The following DDX19B variants were observed in gnomAD, a reference collection of about 807,000 sequenced individuals.
The protein encoded by DDX19B is DEAD-box helicase 19B.
DDX19B carries 27 observed loss-of-function variants against 58.1 expected under a neutral mutation model. That is an observed-to-expected ratio of 0.46 (90% CI 0.34 to 0.64). DDX19B has a LOEUF of 0.64. Ranked by LOEUF, DDX19B falls within the 30% of genes least tolerant of loss-of-function variation. DDX19B has a pLI of 0.01. For missense variants in DDX19B, 399 were observed against 596.5 expected (o/e 0.67, Z 3.45); for synonymous variants, 187 against 214.4 (o/e 0.87, Z 1.12).
chr16:70,328,237 C>T (rs1036619487), intron 7 of DDX19B, among the ~76,000 whole-genome samples: 3 of 151,902 alleles, frequency 2.0e-5, no homozygotes, highest in Admixed American at 1.3e-4. Flanking sequence ...AGTCTGCATA[C>T]AGTGTCCTAA....
chr16:70,333,669 C>A lies in DDX19B; in HGVS notation c.*87C>A. On this transcript the variant is annotated 3_prime_UTR_variant, in exon 12 of 12. Transcript: ENST00000288071. ...TCAGGGCACAGGCCCCGACATCACCCCAAGGACAACGGCACAAGTAGAGAG... is the reference window on the plus strand; with the variant it reads ...TCAGGGCACAGGCCCCGACATCACCACAAGGACAACGGCACAAGTAGAGAG... The A allele has an allele frequency of 6.3e-7, 1 of 1,594,902 alleles. No individual in the cohort carries two copies. Among genetic ancestry groups the A allele is most frequent in the Non-Finnish European group, 8.6e-7 (1 of 1,163,652 alleles).
chr16:70,301,003 T>C (rs987008545), intron 1 of DDX19B, among the ~76,000 whole-genome samples: 2 of 152,202 alleles, frequency 1.3e-5, no homozygotes, highest in South Asian at 4.1e-4. Flanking sequence ...CTCCTAGGCC[T>C]TTAAGTCTGC....
At chr16:70,294,942 C>T, upstream of DDX19B, 2 of 1,488,436 alleles carry the variant, frequency 1.3e-6, no homozygotes, top group Non-Finnish European at 1.8e-6. Context: ...GGGTAGAAGC[C>T]AGACCCTTTC....
chr16:70,307,865 G>A (rs1027991648), intron 1 of DDX19B, among the ~76,000 whole-genome samples: 1 of 144,976 alleles, frequency 6.9e-6, no homozygotes, highest in African/African-American at 2.6e-5. Context: ...CTGGGACTAT[G>A]GGCACATACC....
intron 5 of DDX19B, among the ~76,000 whole-genome samples, chr16:70,318,894 G>A (rs1439263500): frequency 1.3e-5 from 2 of 151,574 alleles, no homozygotes; most frequent in African/African-American, 2.4e-5. Flanking sequence ...CACAAGCTCC[G>A]GAGATCGAGA....
intron 8 of DDX19B, 59 bp from the exon 9 acceptor site, chr16:70,329,772 T>G: frequency 6.2e-7 from 1 of 1,605,610 alleles, no homozygotes; most frequent in Non-Finnish European, 8.5e-7. Flanking sequence ...CTGGGAAGGC[T>G]GTGCTTCTGT....
chr16:70,312,805 C>T (rs1962160550), intron 2 of DDX19B, 148 bp downstream of exon 2: 1 of 650,648 alleles, frequency 1.5e-6, no homozygotes, highest in East Asian at 2.8e-5. Context: ...AATCAACAAA[C>T]TGGATTGTAT....
At chr16:70,332,668 G>C (rs921971905) in intron 10 of DDX19B, among the ~76,000 whole-genome samples, 2 of 152,012 alleles carry the variant, frequency 1.3e-5, no homozygotes, top group African/African-American at 4.8e-5. Context: ...AGTGATTTTT[G>C]TCTCCTGTCC....
chr16:70,324,692 G>A lies in DDX19B; in HGVS notation c.492+5G>A. On this transcript the variant is annotated splice_donor_5th_base_variant and intron_variant, in intron 6 of 11. Coordinates refer to ENST00000288071, the MANE Select transcript of DDX19B (RefSeq NM_007242.7). ...CCTGCAAACAAATACCCCCAGGTAA[G>A]GATTTATGAATTTAGGTTTTCTACT... 2 of 1,606,368 alleles carry A rather than the reference G, an allele frequency of 1.2e-6. No homozygotes were observed. Among genetic ancestry groups the A allele is most frequent in the Non-Finnish European group, 1.7e-6 (2 of 1,178,080 alleles).
intron 10 of DDX19B, 115 bp downstream of exon 10, chr16:70,331,999 T>C: frequency 5.5e-6 from 8 of 1,443,148 alleles, no homozygotes; most frequent in Non-Finnish European, 5.6e-6. Flanking sequence ...TGGGTGGGGT[T>C]GGTGACACTA....
intron 5 of DDX19B, among the ~76,000 whole-genome samples, chr16:70,322,891 CAAAAAAAAAA>C (rs113261271): frequency 6.2e-5 from 3 of 48,168 alleles, no homozygotes; most frequent in Admixed American, 4.6e-4. Flanking sequence ...AACTCCGTTG[CAAAAAAAAAA>C]AAAAAAAAAA....
chr16:70,305,770 T>C (rs1313174070), intron 1 of DDX19B, among the ~76,000 whole-genome samples: 1 of 152,004 alleles, frequency 6.6e-6, no homozygotes, highest in Non-Finnish European at 1.5e-5. Context: ...TTTTATGTAT[T>C]TATTTTTTGA....
chr16:70,320,488 G>A (rs924209692), intron 5 of DDX19B, among the ~76,000 whole-genome samples: 29 of 150,276 alleles, frequency 1.9e-4, no homozygotes, highest in African/African-American at 6.4e-4. Flanking sequence ...CTCCCACCTC[G>A]GCCTCCCACC....
At chr16:70,304,157 C>CAAGCTCTCCTGTTCAAGCTCTCCTACT (rs1787747373) in intron 1 of DDX19B, among the ~76,000 whole-genome samples, 1 of 151,160 alleles carries the variant, frequency 6.6e-6, no homozygotes, top group African/African-American at 2.4e-5. Flanking sequence ...TCTCCTGCCT[C>CAAGCTCTCCTGTTCAAGCTCTCCTACT]AGCTTCCCTA....
At chr16:70,326,802 C>A (rs1402211922) in intron 7 of DDX19B, among the ~76,000 whole-genome samples, 9 of 152,066 alleles carry the variant, frequency 5.9e-5, no homozygotes, top group Admixed American at 3.3e-4. Flanking sequence ...TCCCAAAGTG[C>A]TGAGATTATA....
At chr16:70,327,104 G>C (rs1327870810) in intron 7 of DDX19B, among the ~76,000 whole-genome samples, 1 of 151,940 alleles carries the variant, frequency 6.6e-6, no homozygotes, top group Non-Finnish European at 1.5e-5. Context: ...AAAGTGCTGG[G>C]ATTACAGGCG....
upstream of DDX19B, among the ~76,000 whole-genome samples, chr16:70,298,241 A>G (rs1340131945): frequency 1.3e-5 from 2 of 152,068 alleles, no homozygotes; most frequent in African/African-American, 4.8e-5. Context: ...CACCATCTCT[A>G]TTAAAAATAG....
At chr16:70,297,834 C>A (rs181182992), upstream of DDX19B, among the ~76,000 whole-genome samples, 175 of 152,328 alleles carry the variant, frequency 1.1e-3, 1 homozygote, top group Non-Finnish European at 2.3e-3. Context: ...GATCCTCCCA[C>A]CTCAGCCTCC....
At chr16:70,324,918 G>C (rs1963062441) in intron 6 of DDX19B, among the ~76,000 whole-genome samples, 1 of 152,182 alleles carries the variant, frequency 6.6e-6, no homozygotes, top group African/African-American at 2.4e-5. Flanking sequence ...GGGCCTGGTG[G>C]CATGTGCCTG....
Sources: gnomAD v4.1 joint callset for allele counts (sites outside exome capture counted in the v4.1 genomes callset) on GRCh38, gnomAD v4.1.1 for gene constraint, MANE v1.5 for transcripts, NCBI Gene and HGNC (gene_info 2026-07-23, HGNC 2026-07-21) for gene names.